PIK3C2G: variants seen among roughly 807,000 people sequenced by gnomAD.
The protein encoded by PIK3C2G is phosphatidylinositol 3-kinase C2 domain-containing subunit gamma.
A neutral mutation model predicts 181.1 loss-of-function variants in PIK3C2G; 168 were observed. The observed-to-expected ratio is 0.93, with a 90% CI of 0.82 to 1.05. PIK3C2G has a LOEUF of 1.05. PIK3C2G is among the 50% of genes least tolerant of loss of function. The pLI is 0.00. For synonymous variants in PIK3C2G, 573 were observed against 592.2 expected, an observed-to-expected ratio of 0.97 and a Z score of 0.47; for missense variants, 1,869 against 1,732.8, an observed-to-expected ratio of 1.08 and a Z score of -1.40.
intron 1 of PIK3C2G, among the ~76,000 whole-genome samples, chr12:18,264,620 T>G (rs1173345096): frequency 1.3e-5 from 2 of 152,176 alleles, no homozygotes; most frequent in Non-Finnish European, 2.9e-5. Flanking sequence ...TTATGATTAC[T>G]TTCTTGGTAT....
chr12:18,701,531 TA>T, the PIK3C2G span: 2 of 1,614,038 alleles, frequency 1.2e-6, no homozygotes, highest in Non-Finnish European at 1.7e-6. Flanking sequence ...TTACTCCAGG[TA>T]ACTTTTTTAC....
the PIK3C2G span, among the ~76,000 whole-genome samples, chr12:18,724,785 G>A: frequency 6.6e-6 from 1 of 151,878 alleles, no homozygotes; most frequent in Non-Finnish European, 1.5e-5. Context: ...AAAATCTTAA[G>A]CAAGTCAATA....
intron 31 of PIK3C2G, among the ~76,000 whole-genome samples, chr12:18,612,832 GT>G (rs1241957165): frequency 6.6e-6 from 1 of 151,974 alleles, no homozygotes; most frequent in Non-Finnish European, 1.5e-5. Flanking sequence ...GAAAAGTATT[GT>G]TTATCTTTTA....
chr12:18,615,396 G>C (rs1948560882), intron 31 of PIK3C2G, among the ~76,000 whole-genome samples: 1 of 145,842 alleles, frequency 6.9e-6, no homozygotes, highest in Non-Finnish European at 1.5e-5. Flanking sequence ...TATCACGGTA[G>C]TATTACTCAA....
chr12:18,693,465 C>T, the PIK3C2G span: 1 of 1,606,842 alleles, frequency 6.2e-7, no homozygotes, highest in Non-Finnish European at 8.5e-7. Context: ...CCACCTGGCA[C>T]AGGTAAAACC....
intron 26 of PIK3C2G, among the ~76,000 whole-genome samples, chr12:18,558,954 A>C (rs1432218574): frequency 6.6e-6 from 1 of 152,192 alleles, no homozygotes; most frequent in Non-Finnish European, 1.5e-5. Context: ...GCTAAATCCC[A>C]TCACCAGAAT....
chr12:18,333,815 T>G (rs1436567295), intron 8 of PIK3C2G, among the ~76,000 whole-genome samples: 1 of 152,180 alleles, frequency 6.6e-6, no homozygotes, highest in African/African-American at 2.4e-5. Flanking sequence ...CATGAAAGTT[T>G]ATATAAAATC....
At chr12:18,569,992 G>A (rs1945841102) in intron 29 of PIK3C2G, among the ~76,000 whole-genome samples, 1 of 151,968 alleles carries the variant, frequency 6.6e-6, no homozygotes, top group South Asian at 2.1e-4. Context: ...ATTCTACTCT[G>A]TACCTTGTCC....
chr12:18,492,436 C>T lies in PIK3C2G; in HGVS notation c.2793+878C>T, dbSNP rs7138968. Among the ~76,000 whole-genome samples, 998 of 152,268 alleles carry T rather than the reference C, an allele frequency of 6.6e-3. 11 individuals carry two copies. The highest frequency in any genetic ancestry group is 0.023 in the African/African-American group (972 of 41,544). On this transcript the variant is annotated intron_variant, in intron 20 of 32. Transcript: ENST00000538779. The stretch of plus-strand genomic sequence containing the variant: ...ATCACTTTGCCACAAGTAAGACTCC[C>T]TGAAAATTTTTTGATATGCTTCATA...
intron 18 of PIK3C2G, among the ~76,000 whole-genome samples, chr12:18,467,544 A>C (rs1276970056): frequency 1.3e-5 from 2 of 151,846 alleles, no homozygotes; most frequent in African/African-American, 4.8e-5. Flanking sequence ...TGAATCAAGA[A>C]CCAATGTAAG....
chr12:18,693,091 C>T, the PIK3C2G span: 1 of 1,517,602 alleles, frequency 6.6e-7, no homozygotes. Context: ...CTGAGGGGGA[C>T]CCCAATGTCA....
intron 11 of PIK3C2G, among the ~76,000 whole-genome samples, chr12:18,357,159 C>G (rs540514344): frequency 2.6e-5 from 4 of 151,868 alleles, no homozygotes; most frequent in Non-Finnish European, 5.9e-5. Context: ...TTTAAAAGAC[C>G]TGTTTGCTGT....
chr12:18,511,990 G>A (rs1165257079), intron 24 of PIK3C2G, among the ~76,000 whole-genome samples: 1 of 151,900 alleles, frequency 6.6e-6, no homozygotes, highest in Admixed American at 6.6e-5. Context: ...GCTATTTTTT[G>A]TGGTTGATGT....
At chr12:18,698,966 T>C in the PIK3C2G span, among the ~76,000 whole-genome samples, 4 of 152,156 alleles carry the variant, frequency 2.6e-5, no homozygotes, top group Non-Finnish European at 5.9e-5. Context: ...ATTAGCAGAG[T>C]CACCTGGCTC....
intron 18 of PIK3C2G, among the ~76,000 whole-genome samples, chr12:18,479,467 T>C (rs539011663): frequency 1.3e-5 from 2 of 152,250 alleles, no homozygotes; most frequent in South Asian, 4.1e-4. Flanking sequence ...CCTGCATGAA[T>C]CACAATATCC....
At chr12:18,321,616 G>A (rs924914434) in intron 7 of PIK3C2G, among the ~76,000 whole-genome samples, 1 of 152,160 alleles carries the variant, frequency 6.6e-6, no homozygotes, top group Non-Finnish European at 1.5e-5. Context: ...AAAATGTAGT[G>A]TGGGAGGTAC....
At chr12:18,323,230 T>C (rs1487299545) in intron 7 of PIK3C2G, among the ~76,000 whole-genome samples, 1 of 152,162 alleles carries the variant, frequency 6.6e-6, no homozygotes, top group African/African-American at 2.4e-5. Context: ...AAAGTTCTGC[T>C]GTAGCAAGGG....
At chr12:18,345,363 C>A (rs1460241063) in intron 10 of PIK3C2G, among the ~76,000 whole-genome samples, 3 of 152,154 alleles carry the variant, frequency 2.0e-5, no homozygotes, top group African/African-American at 4.8e-5. Flanking sequence ...TTGTCCCCCC[C>A]AGACTGTTTC....
At chr12:18,272,323 T>C (rs1948777627) in intron 1 of PIK3C2G, among the ~76,000 whole-genome samples, 1 of 152,154 alleles carries the variant, frequency 6.6e-6, no homozygotes, top group African/African-American at 2.4e-5. Flanking sequence ...TCTAGAGGCT[T>C]AATCAAATAT....
Sources: allele counts gnomAD v4.1 joint callset (sites outside exome capture counted in the v4.1 genomes callset), GRCh38; gene constraint gnomAD v4.1.1; transcripts MANE v1.5; gene names NCBI Gene and HGNC (gene_info 2026-07-23, HGNC 2026-07-21).